The following TAFA4 variants were observed in gnomAD, a reference collection of about 807,000 sequenced individuals.
TAFA4 encodes the protein TAFA chemokine like family member 4, also known as chemokine-like protein TAFA-4.
In TAFA4, 20 loss-of-function variants were observed where a neutral mutation model predicts 21.1. That is an observed-to-expected ratio of 0.95 (90% CI 0.67 to 1.38). The LOEUF is 1.38. Among genes scored for constraint, TAFA4 ranks in the 40% most tolerant of loss-of-function variants. The pLI, the probability that TAFA4 is intolerant of heterozygous loss-of-function variation, is 0.00. For synonymous variants in TAFA4, 71 were observed against 67.4 expected, an observed-to-expected ratio of 1.05 and a Z score of -0.26; for missense variants, 211 against 180.9, an observed-to-expected ratio of 1.17 and a Z score of -0.95.
intron 1 of TAFA4, among the ~76,000 whole-genome samples, chr3:68,917,753 CAAAAAAAAAAA>C (rs55853026): frequency 3.4e-5 from 2 of 58,202 alleles, no homozygotes; most frequent in South Asian, 1.6e-3. Context: ...GACTCTGTCT[CAAAAAAAAAAA>C]AAAAAAAAAG....
chr3:68,850,096 T>C (rs994540926), intron 3 of TAFA4, among the ~76,000 whole-genome samples: 16 of 152,164 alleles, frequency 1.1e-4, no homozygotes, highest in Non-Finnish European at 1.9e-4. Flanking sequence ...CCAGAATCTA[T>C]ACCCTCCTCT....
rs533263191 is a variant in TAFA4, at chr3:68,812,241, T to C, written c.131-59223A>G. ...AAACATGCCAACTTGTAAAGACCAT[T>C]GAGGCAAGGAAGAAACTGCATCAAC... On this transcript the variant is annotated intron_variant, in intron 3 of 5. Coordinates refer to ENST00000295569, the MANE Select transcript of TAFA4 (RefSeq NM_182522.5). Among the ~76,000 whole-genome samples the C allele has an allele frequency of 3.8e-4, 58 of 152,194 alleles. 2 individuals are homozygous for C. The highest frequency in any genetic ancestry group is 1.2e-3 in the African/African-American group (50 of 41,522).
At chr3:68,847,581 T>C (rs780801028) in intron 3 of TAFA4, among the ~76,000 whole-genome samples, 25 of 152,172 alleles carry the variant, frequency 1.6e-4, no homozygotes, top group Non-Finnish European at 2.5e-4. Flanking sequence ...TAGCTCGGTG[T>C]CTACCCAAAG....
chr3:68,867,361 A>G (rs2089433246), intron 3 of TAFA4, among the ~76,000 whole-genome samples: 1 of 152,140 alleles, frequency 6.6e-6, no homozygotes, highest in Admixed American at 6.6e-5. Context: ...AGGACAGATG[A>G]AGTCTTTCCC....
chr3:68,880,976 C>G (rs924509729), intron 2 of TAFA4, 131 bp from the exon 3 acceptor site: 2 of 656,750 alleles, frequency 3.0e-6, no homozygotes, highest in South Asian at 1.9e-5. Context: ...CCCAAGAAAA[C>G]AGAAGACCAA....
intron 3 of TAFA4, among the ~76,000 whole-genome samples, chr3:68,859,627 G>A (rs571116419): frequency 1.6e-4 from 24 of 152,054 alleles, no homozygotes; most frequent in Non-Finnish European, 3.1e-4. Flanking sequence ...ACTGAGACTT[G>A]GGAAATAATG....
chr3:68,907,290 T>C (rs2089911427), intron 1 of TAFA4, among the ~76,000 whole-genome samples: 1 of 152,196 alleles, frequency 6.6e-6, no homozygotes, highest in Non-Finnish European at 1.5e-5. Context: ...ATGCACCAAC[T>C]GTCATTCTCA....
intron 3 of TAFA4, among the ~76,000 whole-genome samples, chr3:68,766,591 G>A (rs957820858): frequency 2.7e-5 from 4 of 149,592 alleles, no homozygotes; most frequent in Admixed American, 1.3e-4. Context: ...AAGATAAAGA[G>A]ATGAAAATTA....
chr3:68,746,588 C>A (rs1281666217), intron 4 of TAFA4, among the ~76,000 whole-genome samples: 1 of 152,036 alleles, frequency 6.6e-6, no homozygotes, highest in African/African-American at 2.4e-5. Flanking sequence ...TTTTATATTT[C>A]TTGTTAAGAA....
intron 3 of TAFA4, among the ~76,000 whole-genome samples, chr3:68,834,903 T>C (rs1704486401): frequency 6.6e-6 from 1 of 152,216 alleles, no homozygotes; most frequent in Non-Finnish European, 1.5e-5. Flanking sequence ...TCTCTGTTTC[T>C]GCTCTTGCCC....
At chr3:68,854,526 T>C (rs17048071) in intron 3 of TAFA4, among the ~76,000 whole-genome samples, 4,564 of 152,224 alleles carry the variant, frequency 0.03, 110 homozygotes, top group Non-Finnish European at 0.043. Context: ...TCTGAGCTCC[T>C]TTCTGGGCAA....
chr3:68,751,461 T>A (rs975675599), intron 4 of TAFA4, among the ~76,000 whole-genome samples: 1 of 152,110 alleles, frequency 6.6e-6, no homozygotes, highest in African/African-American at 2.4e-5. Context: ...GCAGAAAGAA[T>A]GGTTGTGATG....
chr3:68,900,240 TTAATAA>T (rs3048092), intron 1 of TAFA4, among the ~76,000 whole-genome samples: 38,934 of 132,392 alleles, frequency 0.29, 5,790 homozygotes, highest in Middle Eastern at 0.36. Flanking sequence ...AGACTCTCTC[TTAATAA>T]TAATAATAAT....
chr3:68,928,257 TAACATC>T (rs1328963063), intron 1 of TAFA4, among the ~76,000 whole-genome samples: 1 of 152,192 alleles, frequency 6.6e-6, no homozygotes, highest in Non-Finnish European at 1.5e-5. Flanking sequence ...AATGTTTCCA[TAACATC>T]AACACGCTAC....
intron 1 of TAFA4, among the ~76,000 whole-genome samples, chr3:68,915,370 CT>C (rs908619219): frequency 5.3e-4 from 80 of 152,252 alleles, no homozygotes; most frequent in African/African-American, 1.3e-3. Flanking sequence ...AAAAAGTGTC[CT>C]TTTTTTCTGG....
intron 3 of TAFA4, among the ~76,000 whole-genome samples, chr3:68,829,136 T>G (rs1300930555): frequency 1.3e-4 from 20 of 152,224 alleles, no homozygotes; most frequent in African/African-American, 4.8e-4. Context: ...TCATGCTACC[T>G]GACTTCAAAC....
Position 68,874,997 on chromosome 3 carries a change from T to C in TAFA4, c.130+5733A>G, listed in dbSNP as rs114185750. ...GGCACTGAAGAAATATAATATGGGG[T>C]ACAACGGAGGCTAGTGGAATCCCTC... is the stretch of plus-strand genomic sequence containing the variant. On this transcript the variant is annotated intron_variant, in intron 3 of 5. Transcript: ENST00000295569. Among the ~76,000 whole-genome samples, 736 of 152,204 alleles carry C rather than the reference T, an allele frequency of 4.8e-3. 5 individuals are homozygous for C. Among genetic ancestry groups the C allele is most frequent in the East Asian group, 0.046 (235 of 5,164 alleles).
rs781436603 is a variant in TAFA4 at position 68,731,977 on chromosome 3, G to A, written c.*1165C>T. The A allele has an allele frequency of 3.3e-5, 5 of 152,146 alleles. No homozygotes were observed. Among genetic ancestry groups the A allele is most frequent in the Non-Finnish European group, 7.4e-5 (5 of 67,984 alleles). The allele number at this position is 152,146 out of a possible 1,614,324, so 9.4% of individuals were successfully genotyped here. ...AACTTGGTGCAGAAACTATGTTTTT[G>A]GCATTTCTTAATATATAAAATTCAT... On this transcript the variant is annotated 3_prime_UTR_variant, in exon 6 of 6. Transcript: ENST00000295569.
rs1162453065 is a variant in TAFA4, at chr3:68,732,001, A to G, written c.*1141T>C. The G allele has an allele frequency of 2.6e-5, 4 of 152,558 alleles. No homozygotes were observed. In the South Asian group the frequency reaches 6.2e-4, roughly 24 times the overall value. The allele number at this position is 152,558 out of a possible 1,614,324, so 9.5% of individuals were successfully genotyped here. ...TGGCATTTCTTAATATATAAAATTC[A>G]TCCCATATTTTTACAGTAGTATGTA... On this transcript the variant is annotated 3_prime_UTR_variant, in exon 6 of 6. Coordinates refer to ENST00000295569, the MANE Select transcript of TAFA4 (RefSeq NM_182522.5).
Sources: allele counts gnomAD v4.1 joint callset (sites outside exome capture counted in the v4.1 genomes callset), GRCh38; gene constraint gnomAD v4.1.1; transcripts MANE v1.5; gene names NCBI Gene and HGNC (gene_info 2026-07-23, HGNC 2026-07-21).